Variants in PLD5 observed in about 807,000 individuals in gnomAD.
PLD5 encodes inactive phospholipase D5.
In PLD5, 36 loss-of-function variants were observed where a neutral mutation model predicts 61.1. That is an observed-to-expected ratio of 0.59 (90% CI 0.45 to 0.78). PLD5 has a LOEUF of 0.78. PLD5 is among the 30% of genes least tolerant of loss of function. The pLI is 0.00. For missense variants in PLD5, 515 were observed against 644.4 expected (o/e 0.80, Z 2.17); for synonymous variants, 243 against 242.8 (o/e 1.00, Z -0.01).
At chr1:242,177,372 A>G (rs550791937) in intron 5 of PLD5, among the ~76,000 whole-genome samples, 12 of 152,286 alleles carry the variant, frequency 7.9e-5, no homozygotes, top group African/African-American at 2.9e-4. Flanking sequence ...CAATGAGAAC[A>G]GACAGACACA....
At chr1:242,343,204 A>C (rs1175864435) in intron 2 of PLD5, among the ~76,000 whole-genome samples, 2 of 151,846 alleles carry the variant, frequency 1.3e-5, no homozygotes. Context: ...TATTCTTTCA[A>C]CTTTCAGAAG....
At chr1:242,301,809 C>T (rs1267518582) in intron 2 of PLD5, among the ~76,000 whole-genome samples, 3 of 100,126 alleles carry the variant, frequency 3.0e-5, no homozygotes, top group African/African-American at 7.3e-5. Context: ...AGAATCTTGG[C>T]TCTTGCCACC....
At chr1:242,151,247 C>T (rs1664904038) in intron 5 of PLD5, among the ~76,000 whole-genome samples, 1 of 151,790 alleles carries the variant, frequency 6.6e-6, no homozygotes, top group South Asian at 2.1e-4. Flanking sequence ...TTCCAGTGCT[C>T]TTCATTTTAA....
At position 242,100,699 on chromosome 1, in the gene PLD5, C is replaced by G; in HGVS notation, c.1323G>C (p.Lys441Asn). ...AAGCTGCTCCATCTGTCACCATGTACTTGTTGCGATTTAACCTAGGAAAGG... is the reference window on the plus strand; with the variant it reads ...AAGCTGCTCCATCTGTCACCATGTAGTTGTTGCGATTTAACCTAGGAAAGG... ...NHTFPRLNRN[K>N]YMVTDGAAYI... The change falls in exon 9 of 10, where the codon AAG becomes AAC. Residue 441 changes from lysine to asparagine, a missense_variant. Around this residue, in one of 2 missense-constraint regions of PLD5, gnomAD observed 450 missense variants for 598.1 expected, o/e 0.75. Transcript: ENST00000536534. 2 of 1,613,936 alleles carry G rather than the reference C, an allele frequency of 1.2e-6. No homozygotes were observed. Among genetic ancestry groups the G allele is most frequent in the Non-Finnish European group, 1.7e-6 (2 of 1,179,970 alleles).
chr1:242,372,199 G>C (rs1661676797), intron 1 of PLD5, among the ~76,000 whole-genome samples: 1 of 152,034 alleles, frequency 6.6e-6, no homozygotes, highest in Admixed American at 6.6e-5. Context: ...AAATTTATCT[G>C]TTTTTTCAAA....
intron 4 of PLD5, among the ~76,000 whole-genome samples, chr1:242,230,676 T>C (rs1387761180): frequency 2.0e-5 from 3 of 152,278 alleles, no homozygotes; most frequent in Non-Finnish European, 2.9e-5. Context: ...TAAATGAGAG[T>C]AAGGGAACTT....
chr1:242,251,216 A>G (rs1426634482), intron 4 of PLD5, among the ~76,000 whole-genome samples: 3 of 152,170 alleles, frequency 2.0e-5, no homozygotes, highest in Admixed American at 6.5e-5. Flanking sequence ...CATATCGGTG[A>G]TGAATGAAGC....
At chr1:242,136,516 G>A (rs986709639) in intron 5 of PLD5, among the ~76,000 whole-genome samples, 3 of 152,144 alleles carry the variant, frequency 2.0e-5, no homozygotes, top group East Asian at 1.9e-4. Flanking sequence ...TAACCTCACA[G>A]TATGGGCATG....
chr1:242,096,278 C>A (rs1361051759), intron 9 of PLD5, among the ~76,000 whole-genome samples: 1 of 151,344 alleles, frequency 6.6e-6, no homozygotes, highest in Non-Finnish European at 1.5e-5. Context: ...TATTGGAGCA[C>A]CACCAGAAGG....
At chr1:242,290,874 A>G (rs372980903) in intron 2 of PLD5, among the ~76,000 whole-genome samples, 28 of 151,880 alleles carry the variant, frequency 1.8e-4, no homozygotes, top group African/African-American at 6.8e-4. Context: ...CATTTTCCCT[A>G]CTAGTGTTGG....
chr1:242,279,967 A>C (rs1574658140), intron 3 of PLD5, among the ~76,000 whole-genome samples: 2 of 150,482 alleles, frequency 1.3e-5, no homozygotes, highest in East Asian at 3.9e-4. Flanking sequence ...GATTACATAG[A>C]GAGTCGTGTC....
At chr1:242,133,770 C>T (rs1663491707) in intron 5 of PLD5, among the ~76,000 whole-genome samples, 1 of 151,906 alleles carries the variant, frequency 6.6e-6, no homozygotes, top group East Asian at 1.9e-4. Flanking sequence ...TTTATCTAGG[C>T]AAAGGAAAAT....
At chr1:242,529,377 T>A (rs1285752871), upstream of PLD5, among the ~76,000 whole-genome samples, 2 of 152,204 alleles carry the variant, frequency 1.3e-5, no homozygotes, top group Non-Finnish European at 2.9e-5. Context: ...TTTGACCACC[T>A]ACTCCAGTCA....
At chr1:242,487,378 T>A (rs897218032) in intron 1 of PLD5, among the ~76,000 whole-genome samples, 17 of 152,132 alleles carry the variant, frequency 1.1e-4, no homozygotes, top group African/African-American at 4.1e-4. Context: ...CTTACACCTT[T>A]CACAAAAGTT....
At chr1:242,345,902 A>G (rs1451984704) in intron 2 of PLD5, among the ~76,000 whole-genome samples, 4 of 151,764 alleles carry the variant, frequency 2.6e-5, no homozygotes, top group African/African-American at 7.3e-5. Flanking sequence ...CAGGACAGAC[A>G]CACAAGAAGT....
At chr1:242,386,284 C>A (rs1240374325) in intron 1 of PLD5, among the ~76,000 whole-genome samples, 1 of 152,080 alleles carries the variant, frequency 6.6e-6, no homozygotes, top group Non-Finnish European at 1.5e-5. Flanking sequence ...CAACTCGACC[C>A]AAAATAATTA....
At chr1:242,233,382 C>T (rs2149041821) in intron 4 of PLD5, among the ~76,000 whole-genome samples, 1 of 152,314 alleles carries the variant, frequency 6.6e-6, no homozygotes, top group East Asian at 1.9e-4. Context: ...CTCCTGGCCT[C>T]TGGCTCAGAA....
At chr1:242,397,018 C>T (rs1020648343) in intron 1 of PLD5, among the ~76,000 whole-genome samples, 2 of 152,132 alleles carry the variant, frequency 1.3e-5, no homozygotes, top group East Asian at 1.9e-4. Flanking sequence ...TTTTCAGTCT[C>T]CTTTGTTAGT....
At chr1:242,109,770 C>T (rs1661336677) in intron 7 of PLD5, among the ~76,000 whole-genome samples, 1 of 151,968 alleles carries the variant, frequency 6.6e-6, no homozygotes, top group African/African-American at 2.4e-5. Context: ...CAGTGAGCAT[C>T]TCCTCCAATG....
Sources: allele counts gnomAD v4.1 joint callset (sites outside exome capture counted in the v4.1 genomes callset), GRCh38; gene constraint gnomAD v4.1.1; regional missense constraint gnomAD v4.1.1; transcripts MANE v1.5; gene names NCBI Gene and HGNC (gene_info 2026-07-23, HGNC 2026-07-21).